Variants in IFT74 observed in about 807,000 individuals in gnomAD.
IFT74 encodes the protein intraflagellar transport 74.
IFT74 carries 92 observed loss-of-function variants against 96.7 expected under a neutral mutation model. The observed-to-expected ratio is 0.95, with a 90% CI of 0.80 to 1.13. IFT74 has a LOEUF of 1.13. Ranked by LOEUF, IFT74 falls within the 50% of genes most tolerant of loss-of-function variation. The probability of loss-of-function intolerance (pLI) is 0.00; values close to 1 mark genes in which losing one functional copy is unlikely to be tolerated. For missense variants in IFT74, 811 were observed against 698.2 expected (o/e 1.16, Z -1.82); for synonymous variants, 223 against 213.2 (o/e 1.05, Z -0.40).
At chr9:27,037,606 G>A (rs993943341) in intron 13 of IFT74, among the ~76,000 whole-genome samples, 6 of 152,328 alleles carry the variant, frequency 3.9e-5, no homozygotes, top group African/African-American at 1.2e-4. Context: ...ACCTACATCC[G>A]TAAGAGTGTC....
At chr9:26,983,059 C>G (rs1157320958) in intron 4 of IFT74, among the ~76,000 whole-genome samples, 1 of 152,052 alleles carries the variant, frequency 6.6e-6, no homozygotes, top group Non-Finnish European at 1.5e-5. Context: ...TTTTATTTCG[C>G]TTTTGTTTAA....
At chr9:27,034,859 G>C (rs560024570) in intron 13 of IFT74, among the ~76,000 whole-genome samples, 2 of 152,284 alleles carry the variant, frequency 1.3e-5, no homozygotes, top group Admixed American at 6.5e-5. Flanking sequence ...CACATGTCCT[G>C]TTACTAGAAT....
chr9:27,036,500 A>G, intron 13 of IFT74: 2 of 1,613,870 alleles, frequency 1.2e-6, no homozygotes, highest in South Asian at 1.1e-5. Context: ...AGGAAGTTTC[A>G]AAAAGCAAGT....
chr9:27,059,407 T>C (rs1820310816), intron 18 of IFT74, among the ~76,000 whole-genome samples: 1 of 152,172 alleles, frequency 6.6e-6, no homozygotes, highest in Non-Finnish European at 1.5e-5. Flanking sequence ...AATATAGAGG[T>C]ATAATGTAAA....
chr9:27,052,304 G>A (rs1819959799), intron 16 of IFT74, among the ~76,000 whole-genome samples: 1 of 152,086 alleles, frequency 6.6e-6, no homozygotes, highest in South Asian at 2.1e-4. Context: ...GAGGTCACGA[G>A]TTCAAGAGCT....
chr9:27,038,076 A>G (rs1395375499), intron 13 of IFT74, among the ~76,000 whole-genome samples: 1 of 152,150 alleles, frequency 6.6e-6, no homozygotes, highest in Admixed American at 6.5e-5. Flanking sequence ...GCTAACCTTG[A>G]CTACAGTGTC....
intron 1 of IFT74, among the ~76,000 whole-genome samples, chr9:26,960,813 C>T (rs559039271): frequency 6.6e-6 from 1 of 151,556 alleles, no homozygotes. Context: ...CTCCATGTCT[C>T]GCCATGGCTA....
intron 16 of IFT74, among the ~76,000 whole-genome samples, chr9:27,052,191 T>G (rs1819951306): frequency 6.6e-6 from 1 of 152,184 alleles, no homozygotes; most frequent in Admixed American, 6.5e-5. Context: ...ACTTTATACT[T>G]TGTGTTTATA....
chr9:27,037,262 T>C (rs1286271244), intron 13 of IFT74, among the ~76,000 whole-genome samples: 2 of 139,624 alleles, frequency 1.4e-5, no homozygotes, highest in African/African-American at 5.2e-5. Flanking sequence ...TAAGAAAACA[T>C]CAAATGTATG....
At chr9:26,980,347 G>T (rs1827315218) in intron 3 of IFT74, among the ~76,000 whole-genome samples, 1 of 152,074 alleles carries the variant, frequency 6.6e-6, no homozygotes, top group Non-Finnish European at 1.5e-5. Context: ...TCTTTTAACA[G>T]CCCCACCTCT....
intron 13 of IFT74, among the ~76,000 whole-genome samples, chr9:27,041,183 A>G (rs1361030647): frequency 1.3e-5 from 2 of 152,178 alleles, no homozygotes; most frequent in African/African-American, 4.8e-5. Context: ...TAAATTCTTC[A>G]GAGGAAAATA....
At chr9:27,024,447 C>G (rs978921568) in intron 12 of IFT74, among the ~76,000 whole-genome samples, 2 of 152,152 alleles carry the variant, frequency 1.3e-5, no homozygotes, top group South Asian at 2.1e-4. Flanking sequence ...TCAGGAAGCC[C>G]CATCTCTAGG....
Position 27,016,994 on chromosome 9 carries a change from G to T in IFT74, c.877G>T (p.Ala293Ser). 3 of 1,610,874 alleles carry T rather than the reference G, an allele frequency of 1.9e-6. No homozygotes were observed. Among genetic ancestry groups the T allele is most frequent in the Non-Finnish European group, 2.5e-6 (3 of 1,178,428 alleles). Residue 293 changes from alanine to serine, a missense_variant, in exon 11 of 20, where the codon GCA becomes TCA. Physicochemically the swap from Ala to Ser is moderately conservative, Grantham distance 99. Transcript: ENST00000380062. ...GGAGTCCCATCGAGATCAAATGATT[G>T]CAGAAGACAAAAGCATAGGATCTCC... ...ELESHRDQMIAEDKSIGSPME... is the reference protein window; with the variant it reads ...ELESHRDQMISEDKSIGSPME...
intron 2 of IFT74, among the ~76,000 whole-genome samples, chr9:26,971,086 G>A (rs1826857577): frequency 6.6e-6 from 1 of 152,186 alleles, no homozygotes; most frequent in African/African-American, 2.4e-5. Context: ...TGGGTATGAT[G>A]TTTTCAATTA....
chr9:27,008,491 T>C (rs1828894086), intron 8 of IFT74, among the ~76,000 whole-genome samples: 2 of 152,030 alleles, frequency 1.3e-5, no homozygotes, highest in African/African-American at 4.8e-5. Flanking sequence ...CCCAAGTAGC[T>C]GGGATTACAG....
chr9:26,979,533 C>T lies in IFT74; in HGVS notation c.257-1038C>T, dbSNP rs190213936. On this transcript the variant is annotated intron_variant, in intron 3 of 19. Coordinates refer to ENST00000380062, the MANE Select transcript of IFT74 (RefSeq NM_025103.4). ...CATTACCACTACACAGAACTGTCTACTGTGACTTTCATTCTTACCTTCTCT... is the reference window on the plus strand; with the variant it reads ...CATTACCACTACACAGAACTGTCTATTGTGACTTTCATTCTTACCTTCTCT... Among the ~76,000 whole-genome samples, 16 of 152,080 alleles carry T rather than the reference C, an allele frequency of 1.1e-4. No homozygotes were observed. In the South Asian group the frequency reaches 3.1e-3, roughly 30 times the overall value.
intron 2 of IFT74, among the ~76,000 whole-genome samples, chr9:26,972,891 G>A (rs1826938668): frequency 6.6e-6 from 1 of 152,112 alleles, no homozygotes; most frequent in Non-Finnish European, 1.5e-5. Flanking sequence ...TATGTATAGA[G>A]AAGTCACCCA....
At chr9:27,011,041 G>A (rs989071164) in intron 9 of IFT74, among the ~76,000 whole-genome samples, 6 of 152,106 alleles carry the variant, frequency 3.9e-5, no homozygotes, top group Admixed American at 6.5e-5. Context: ...ACTGTGAAGC[G>A]TTGAAGAAAA....
chr9:27,020,614 A>G (rs970537287), intron 12 of IFT74, among the ~76,000 whole-genome samples: 1 of 151,406 alleles, frequency 6.6e-6, no homozygotes, highest in Admixed American at 6.6e-5. Flanking sequence ...AGCTGGGACT[A>G]CAGGCGCCCG....
Sources: allele counts gnomAD v4.1 joint callset (sites outside exome capture counted in the v4.1 genomes callset), GRCh38; gene constraint gnomAD v4.1.1; transcripts MANE v1.5; gene names NCBI Gene and HGNC (gene_info 2026-07-23, HGNC 2026-07-21).